Variants in KIR2DL1 observed in about 807,000 individuals in gnomAD.
The protein encoded by KIR2DL1 is killer cell immunoglobulin-like receptor 2DL1.
KIR2DL1 carries 38 observed loss-of-function variants against 33.9 expected under a neutral mutation model. The observed-to-expected ratio is 1.12, with a 90% CI of 0.86 to 1.47. The LOEUF (loss-of-function observed/expected upper bound fraction) is 1.47. Ranked by LOEUF, KIR2DL1 falls within the 40% of genes most tolerant of loss-of-function variation. KIR2DL1 has a pLI of 0.00. For synonymous variants in KIR2DL1, 179 were observed against 165.9 expected (o/e 1.08, Z -0.61); for missense variants, 531 against 433.9 (o/e 1.22, Z -1.99).
At chr19:54,782,381 G>A (rs1249289632) in intron 5 of KIR2DL1, among the ~76,000 whole-genome samples, 1 of 152,056 alleles carries the variant, frequency 6.6e-6, no homozygotes. Context: ...AGGCTGTACT[G>A]GAAGCATGGC....
In KIR2DL1 at chr19:54,773,312, ACTCACAAC is replaced by A. The variant is rs1380347506; in HGVS notation, c.71-17_71-10del. On this transcript the variant is annotated splice_polypyrimidine_tract_variant and intron_variant, in intron 2 of 7. Coordinates refer to ENST00000336077, the MANE Select transcript of KIR2DL1 (RefSeq NM_014218.3). Reference sequence around the variant, plus strand: ...GATGATAAAGAGAGACACCTTCTAAACTCACAACCTCTCTTCCTAGGAGTCCACAGAAA... The same window carrying A: ...GATGATAAAGAGAGACACCTTCTAAACTCTCTTCCTAGGAGTCCACAGAAA... 12 of 1,588,346 alleles carry A rather than the reference ACTCACAAC, an allele frequency of 7.6e-6. No individual in the cohort carries two copies. The East Asian group carries it at 2.7e-4, about 36-fold the overall frequency.
intron 2 of KIR2DL1, 63 bp from the exon 3 acceptor site, chr19:54,773,270 C>T (rs1294195909): frequency 6.7e-7 from 1 of 1,495,828 alleles, no homozygotes; most frequent in Admixed American, 1.9e-5. Context: ...CTGACTCAAT[C>T]CAGGTGCCAT....
chr19:54,775,176 A>C lies in KIR2DL1; in HGVS notation c.382A>C (p.Lys128Gln). The C allele has an allele frequency of 6.3e-7, 1 of 1,584,112 alleles. No individual in the cohort carries two copies. Among genetic ancestry groups the C allele is most frequent in the Non-Finnish European group, 8.6e-7 (1 of 1,159,652 alleles). ...LDIVIIGLYE[K>Q]PSLSAQLGPT... ...TCTTCTCCTTCCAGGTCTATATGAG[A>C]AACCTTCTCTCTCAGCCCAGCTGGG... The change falls in exon 4 of 8, where the codon AAA (lysine) becomes CAA (glutamine). Residue 128 changes from lysine to glutamine, a missense_variant. Lys to Gln is a moderately conservative substitution (Grantham distance 53, BLOSUM62 1). Coordinates refer to ENST00000336077, the MANE Select transcript of KIR2DL1 (RefSeq NM_014218.3).
In KIR2DL1 at chr19:54,780,283, G is replaced by A. The variant is rs554586069; in HGVS notation, c.715+1621G>A. 5.5e-4 allele frequency: 241 copies of A among 438,348 alleles called. 37 individuals carry two copies. Among genetic ancestry groups the A allele is most frequent in the Non-Finnish European group, 8.9e-4 (217 of 243,900 alleles). The allele number at this position is 438,348 out of a possible 1,614,324, so 27.2% of individuals were successfully genotyped here. On this transcript the variant is annotated intron_variant, in intron 5 of 7. Coordinates refer to ENST00000336077, the MANE Select transcript of KIR2DL1 (RefSeq NM_014218.3). ...AAGGTCTCACTATTCAGATATTTGT[G>A]ACATTAATGAAAAACACGGAATGAA...
At position 54,780,197 on chromosome 19, in the gene KIR2DL1, C is replaced by T. The variant is rs1345221120; in HGVS notation, c.715+1535C>T. 1.8e-4 allele frequency: 87 copies of T among 494,694 alleles called. 8 individuals carry two copies. Among genetic ancestry groups the T allele is most frequent in the Middle Eastern group, 1.1e-3 (2 of 1,756 alleles). The allele number at this position is 494,694 out of a possible 1,614,324, so 30.6% of individuals were successfully genotyped here. ...GGGACTACAGGCGTGAGCCACTGTGCCCAGCCAGAATTCAAAATCAATAAT... is the reference window on the plus strand; with the variant it reads ...GGGACTACAGGCGTGAGCCACTGTGTCCAGCCAGAATTCAAAATCAATAAT... On this transcript the variant is annotated intron_variant, in intron 5 of 7. Transcript: ENST00000336077.
chr19:54,770,911 G>A (rs1375501198), intron 2 of KIR2DL1, 27 bp downstream of exon 2: 1 of 1,579,566 alleles, frequency 6.3e-7, no homozygotes, highest in Admixed American at 1.7e-5. Flanking sequence ...ACCTTCGGGT[G>A]TCATCTCCCC....
chr19:54,773,223 G>A (rs2075955756), intron 2 of KIR2DL1, 110 bp from the exon 3 acceptor site: 4 of 1,244,808 alleles, frequency 3.2e-6, no homozygotes. Flanking sequence ...AAGACACAGA[G>A]AGGAAGGAGA....
intron 4 of KIR2DL1, among the ~76,000 whole-genome samples, chr19:54,776,288 T>G (rs192183571): frequency 2.1e-5 from 3 of 141,868 alleles, no homozygotes; most frequent in East Asian, 2.0e-4. Context: ...TTTCTTCCTG[T>G]CCTCCAGTAG....
intron 5 of KIR2DL1, among the ~76,000 whole-genome samples, chr19:54,782,214 G>GTCC (rs201590685): frequency 0.15 from 21,208 of 145,114 alleles, 244 homozygotes; most frequent in African/African-American, 0.23. Flanking sequence ...ACTGCATGAC[G>GTCC]TCCTCCAGGA....
At chr19:54,774,031 G>T (rs1458416755) in intron 3 of KIR2DL1, among the ~76,000 whole-genome samples, 3 of 148,558 alleles carry the variant, frequency 2.0e-5, no homozygotes, top group African/African-American at 7.4e-5. Context: ...ACCTGAGTTG[G>T]GCCCTGTGGC....
intron 4 of KIR2DL1, among the ~76,000 whole-genome samples, chr19:54,776,726 C>G (rs659699): frequency 7.6e-6 from 1 of 131,086 alleles, no homozygotes; most frequent in South Asian, 2.4e-4. Flanking sequence ...TTGCAACCTC[C>G]GCCTCCTGGG....
intron 5 of KIR2DL1, among the ~76,000 whole-genome samples, chr19:54,782,189 G>A (rs1384369705): frequency 6.6e-6 from 1 of 151,818 alleles, no homozygotes. Flanking sequence ...GCCACAGGAA[G>A]CACTCAGCTA....
At chr19:54,777,346 T>C (rs28807454) in intron 4 of KIR2DL1, among the ~76,000 whole-genome samples, 39,524 of 121,170 alleles carry the variant, frequency 0.33, 5,956 homozygotes, top group South Asian at 0.45. Context: ...CCACCTCAGG[T>C]TCTCAAAGTT....
rs778571939 is a variant in KIR2DL1, at chr19:54,783,546, C to T, written c.870+8C>T. 1 of 1,613,894 alleles carries T rather than the reference C, an allele frequency of 6.2e-7. No homozygotes were observed. The highest frequency in any genetic ancestry group is 1.1e-5 in the South Asian group (1 of 91,070). ...AGAACAGCGAATAGCGAGGTAGGTA[C>T]TCCTCGGCCCGGGCTCGTGGCTACT... On this transcript the variant is annotated splice_region_variant and intron_variant, in intron 7 of 7. Coordinates refer to ENST00000336077, the MANE Select transcript of KIR2DL1 (RefSeq NM_014218.3).
In KIR2DL1 at chr19:54,771,234, C is replaced by T. The variant is rs1284178981; in HGVS notation, c.70+350C>T. Among the ~76,000 whole-genome samples, 5 of 148,586 alleles carry T rather than the reference C, an allele frequency of 3.4e-5. No individual in the cohort carries two copies. The South Asian group carries it at 8.5e-4, about 25-fold the overall frequency. On this transcript the variant is annotated intron_variant, in intron 2 of 7. Transcript: ENST00000336077. ...CATTCTACCAGAAGAGGTGGGAAAA[C>T]CACAGCCATGGCCCTGACATTCCAA...
At chr19:54,780,706 G>A (rs2147597904) in intron 5 of KIR2DL1, among the ~76,000 whole-genome samples, 1 of 141,318 alleles carries the variant, frequency 7.1e-6, no homozygotes, top group Non-Finnish European at 1.6e-5. Flanking sequence ...TATAAGATAT[G>A]TTTGTGAGGT....
In KIR2DL1 at chr19:54,772,443, G is replaced by T. The variant is rs1459837926; in HGVS notation, c.71-890G>T. On this transcript the variant is annotated intron_variant, in intron 2 of 7. Transcript: ENST00000336077. The stretch of plus-strand genomic sequence containing the variant: ...GGTCCGATTTCTGTCTCCAGAATTG[G>T]AAGGGGTTAGTGTGCTCTCTCCTGG... Among the ~76,000 whole-genome samples the T allele has an allele frequency of 2.7e-5, 4 of 145,790 alleles. 1 individual carries two copies. Among genetic ancestry groups the T allele is most frequent in the Non-Finnish European group, 6.1e-5 (4 of 65,504 alleles).
chr19:54,781,558 G>T (rs568533445), intron 5 of KIR2DL1, among the ~76,000 whole-genome samples: 1 of 150,920 alleles, frequency 6.6e-6, no homozygotes, highest in East Asian at 1.9e-4. Context: ...TGGAATCAGA[G>T]ATCAGCGACA....
At chr19:54,782,813 G>C (rs2077159968) in intron 5 of KIR2DL1, 109 bp from the exon 6 acceptor site, 10 of 1,208,444 alleles carry the variant, frequency 8.3e-6, no homozygotes, top group Admixed American at 1.7e-5. Context: ...CTGGGTGCTT[G>C]TCCTAAAGAG....
Sources: gnomAD v4.1 joint callset for allele counts (sites outside exome capture counted in the v4.1 genomes callset) on GRCh38, gnomAD v4.1.1 for gene constraint, MANE v1.5 for transcripts, NCBI Gene and HGNC (gene_info 2026-07-23, HGNC 2026-07-21) for gene names.